The following PPP2R5C variants were observed in gnomAD, a reference collection of about 807,000 sequenced individuals.
PPP2R5C encodes the protein protein phosphatase 2 regulatory subunit B'gamma.
A neutral mutation model predicts 68.9 loss-of-function variants in PPP2R5C; 7 were observed. The observed-to-expected ratio is 0.10, with a 90% CI of 0.06 to 0.19. The LOEUF (loss-of-function observed/expected upper bound fraction) is 0.19, where lower values mean the gene tolerates loss of function less well. Ranked by LOEUF, PPP2R5C falls within the 10% of genes least tolerant of loss-of-function variation. PPP2R5C has a pLI of 1.00. For missense variants in PPP2R5C, 348 were observed against 641.3 expected, an observed-to-expected ratio of 0.54 and a Z score of 4.94; for synonymous variants, 210 against 222.2, an observed-to-expected ratio of 0.95 and a Z score of 0.49.
intron 11 of PPP2R5C, among the ~76,000 whole-genome samples, 198 bp from the exon 14 acceptor site, chr14:101,912,203 A>G (rs1424376793): frequency 6.6e-6 from 1 of 152,200 alleles, no homozygotes; most frequent in African/African-American, 2.4e-5. Context: ...TGGACATGTT[A>G]AATTTTTTTA....
chr14:101,799,706 A>G (rs892599257), intron 3 of PPP2R5C, among the ~76,000 whole-genome samples: 1 of 152,236 alleles, frequency 6.6e-6, no homozygotes, highest in African/African-American at 2.4e-5. Flanking sequence ...GGCTTACAGG[A>G]GAAGGTCCAG....
intron 2 of PPP2R5C, among the ~76,000 whole-genome samples, chr14:101,859,399 C>T (rs986150462): frequency 6.6e-6 from 1 of 152,188 alleles, no homozygotes; most frequent in Non-Finnish European, 1.5e-5. Context: ...TTAGACTGTC[C>T]TGTGAAGATG....
intron 2 of PPP2R5C, among the ~76,000 whole-genome samples, chr14:101,785,453 C>T (rs955136608): frequency 6.6e-6 from 1 of 152,174 alleles, no homozygotes; most frequent in Non-Finnish European, 1.5e-5. Flanking sequence ...AGGCCACCTG[C>T]CTGCCTTGGT....
At chr14:101,869,611 T>G (rs1410300677) in intron 2 of PPP2R5C, among the ~76,000 whole-genome samples, 1 of 152,158 alleles carries the variant, frequency 6.6e-6, no homozygotes, top group Non-Finnish European at 1.5e-5. Flanking sequence ...TTTATCTCAT[T>G]TTGATTTTAA....
At chr14:101,805,981 G>A (rs1278621928), upstream of PPP2R5C, among the ~76,000 whole-genome samples, 1 of 152,130 alleles carries the variant, frequency 6.6e-6, no homozygotes, top group Non-Finnish European at 1.5e-5. Flanking sequence ...GGATGGTGGT[G>A]AGGGTTGCAA....
intron 8 of PPP2R5C, among the ~76,000 whole-genome samples, chr14:101,898,016 T>C (rs2045456690): frequency 6.6e-6 from 1 of 151,322 alleles, no homozygotes; most frequent in African/African-American, 2.4e-5. Context: ...TTTAATTAGC[T>C]GGGCATGGTG....
chr14:101,816,608 C>G (rs1034696176), intron 1 of PPP2R5C, among the ~76,000 whole-genome samples: 2 of 151,772 alleles, frequency 1.3e-5, no homozygotes, highest in African/African-American at 4.8e-5. Flanking sequence ...TGCGAACTTT[C>G]TAGGTGTAAA....
intron 1 of PPP2R5C, among the ~76,000 whole-genome samples, chr14:101,848,982 G>A (rs1164115099): frequency 6.6e-6 from 1 of 152,120 alleles, no homozygotes; most frequent in Non-Finnish European, 1.5e-5. Flanking sequence ...ATAGTTTTAG[G>A]GATTCCTGTT....
chr14:101,834,938 C>G (rs2040988204), intron 1 of PPP2R5C, among the ~76,000 whole-genome samples: 1 of 152,218 alleles, frequency 6.6e-6, no homozygotes, highest in Non-Finnish European at 1.5e-5. Context: ...AAGGTCTGGC[C>G]AGACTTTAGC....
chr14:101,820,686 C>T (rs1156272601), intron 1 of PPP2R5C: 1 of 152,158 alleles, frequency 6.6e-6, no homozygotes. Flanking sequence ...AATAGCATAT[C>T]ACAGCAAGTT....
intron 1 of PPP2R5C, among the ~76,000 whole-genome samples, chr14:101,850,831 T>C (rs1171977406): frequency 6.6e-6 from 1 of 152,228 alleles, no homozygotes; most frequent in Non-Finnish European, 1.5e-5. Flanking sequence ...GCTGAGCTTT[T>C]GTTTACTTGG....
chr14:101,814,297 A>G (rs2039533822), intron 1 of PPP2R5C, among the ~76,000 whole-genome samples: 1 of 152,246 alleles, frequency 6.6e-6, no homozygotes, highest in East Asian at 1.9e-4. Context: ...AAGTGACTTT[A>G]TAGAACTACA....
chr14:101,804,978 C>T (rs2039017128), upstream of PPP2R5C, among the ~76,000 whole-genome samples: 1 of 152,078 alleles, frequency 6.6e-6, no homozygotes, highest in South Asian at 2.1e-4. Flanking sequence ...TCTCTTGTGT[C>T]TCTTAAATAT....
At chr14:101,827,230 C>A (rs916616908) in intron 1 of PPP2R5C, among the ~76,000 whole-genome samples, 9 of 152,070 alleles carry the variant, frequency 5.9e-5, no homozygotes, top group African/African-American at 2.2e-4. Flanking sequence ...CCCGCCTTGA[C>A]CTCCCAAAGT....
chr14:101,879,344 A>G lies in PPP2R5C; in HGVS notation c.295-2817A>G, dbSNP rs1043891819. The G allele has an allele frequency of 5.2e-5, 8 of 152,450 alleles. No individual in the cohort carries two copies. Among genetic ancestry groups the G allele is most frequent in the Non-Finnish European group, 8.8e-5 (6 of 68,320 alleles). 9.4% of individuals were successfully genotyped at this position (152,450 alleles called of 1,614,324 possible). A position where few individuals can be genotyped will look rare whatever the true frequency, so the allele number is the denominator to read the frequency against. On this transcript the variant is annotated intron_variant, in intron 2 of 13. Transcript: ENST00000334743. This position sits in a 1 kb window ranked among gnomAD's most constrained non-coding sequence, Gnocchi z 4.2. ...GGACGGCTGTTTCCTCTCCCCCAAG[A>G]CCTACAGCCTCGTCTCTGGGTGAGC...
exon 2 of PPP2R5C, chr14:101,856,879 C>T (rs779435401): frequency 1.9e-6 from 3 of 1,612,866 alleles, no homozygotes; most frequent in Non-Finnish European, 2.5e-6. Flanking sequence ...CAGAAGTAGT[C>T]CATATGGTAA....
In PPP2R5C at chr14:101,836,206, G is replaced by A. The variant is rs2041087331; in HGVS notation, c.95-20480G>A. On this transcript the variant is annotated intron_variant, in intron 1 of 13. Coordinates refer to ENST00000334743, the Ensembl canonical transcript of PPP2R5C. ...AGCTGGGCAGGGTTTCAGCTGAGCTGAGGTTGGAAGTCCCTGACCTTCAGC... is the reference window on the plus strand; with the variant it reads ...AGCTGGGCAGGGTTTCAGCTGAGCTAAGGTTGGAAGTCCCTGACCTTCAGC... The A allele has an allele frequency of 1.4e-5, 10 of 702,746 alleles. No individual in the cohort carries two copies. In the East Asian group the frequency reaches 2.7e-4, roughly 19 times the overall value. The allele number at this position is 702,746 out of a possible 1,614,324, so 43.5% of individuals were successfully genotyped here.
chr14:101,897,434 C>G (rs1424640604), intron 8 of PPP2R5C, among the ~76,000 whole-genome samples: 1 of 148,654 alleles, frequency 6.7e-6, no homozygotes, highest in Non-Finnish European at 1.5e-5. Flanking sequence ...GGATCTCGCT[C>G]TGTCACCCAG....
At chr14:101,887,864 G>A (rs2044628193) in intron 5 of PPP2R5C, among the ~76,000 whole-genome samples, 1 of 152,180 alleles carries the variant, frequency 6.6e-6, no homozygotes, top group South Asian at 2.1e-4. Flanking sequence ...CAGGTTCCCA[G>A]CTTAGTGTCT....
Sources: gnomAD v4.1 joint callset for allele counts (sites outside exome capture counted in the v4.1 genomes callset) on GRCh38, gnomAD v4.1.1 for gene constraint, Gnocchi (gnomAD v3.1) non-coding constraint, MANE v1.5 for transcripts, NCBI Gene and HGNC (gene_info 2026-07-23, HGNC 2026-07-21) for gene names.